Variants in RNLS observed in about 807,000 individuals in gnomAD.
The protein encoded by RNLS is renalase.
In RNLS, 39 loss-of-function variants were observed where a neutral mutation model predicts 39.8. The observed-to-expected ratio is 0.98, with a 90% CI of 0.76 to 1.28. The LOEUF (loss-of-function observed/expected upper bound fraction) is 1.28. Ranked by LOEUF, RNLS falls within the 50% of genes most tolerant of loss-of-function variation. RNLS has a pLI of 0.00. For synonymous variants in RNLS, 147 were observed against 150.7 expected (o/e 0.98, Z 0.18); for missense variants, 410 against 413.3 (o/e 0.99, Z 0.07).
At chr10:88,218,580 C>T in the RNLS span, among the ~76,000 whole-genome samples, 3 of 152,166 alleles carry the variant, frequency 2.0e-5, no homozygotes, top group Non-Finnish European at 4.4e-5. Flanking sequence ...TTTGAAAGGG[C>T]CAATGGACAC....
At chr10:88,470,894 G>A (rs1012855662) in intron 4 of RNLS, among the ~76,000 whole-genome samples, 2 of 152,170 alleles carry the variant, frequency 1.3e-5, no homozygotes, top group Admixed American at 1.3e-4. Flanking sequence ...GATTACAGGT[G>A]TGAGCCACCA....
At chr10:88,396,467 T>A (rs1289562355) in intron 4 of RNLS, among the ~76,000 whole-genome samples, 1 of 151,050 alleles carries the variant, frequency 6.6e-6, no homozygotes, top group Admixed American at 6.6e-5. Flanking sequence ...AAAATAACTT[T>A]AAAAAATATA....
intron 4 of RNLS, among the ~76,000 whole-genome samples, chr10:88,394,457 T>C (rs1237647653): frequency 6.6e-6 from 1 of 152,192 alleles, no homozygotes; most frequent in Non-Finnish European, 1.5e-5. Flanking sequence ...TCATCATCAC[T>C]GGCCATCAGA....
intron 4 of RNLS, among the ~76,000 whole-genome samples, chr10:88,524,114 T>G (rs1317175006): frequency 6.6e-6 from 1 of 151,680 alleles, no homozygotes; most frequent in Non-Finnish European, 1.5e-5. Context: ...TCCTTAAAAC[T>G]GATTATATTA....
intron 6 of RNLS, among the ~76,000 whole-genome samples, chr10:88,310,039 C>T (rs1845237361): frequency 6.6e-6 from 1 of 151,950 alleles, no homozygotes; most frequent in Non-Finnish European, 1.5e-5. Flanking sequence ...ATGATGAAAC[C>T]TCACCTCTAC....
chr10:88,206,078 G>A, the RNLS span, among the ~76,000 whole-genome samples: 7 of 152,206 alleles, frequency 4.6e-5, no homozygotes, highest in East Asian at 1.4e-3. Flanking sequence ...GCTTCTTTGG[G>A]GTTTCTGAAG....
In RNLS at chr10:88,349,989, C is replaced by A. The variant is rs538237766; in HGVS notation, c.700+12563G>T. 3.9e-5 allele frequency among the ~76,000 whole-genome samples: 6 copies of A among 152,102 alleles called. No individual in the cohort carries two copies. In the South Asian group the frequency reaches 1.2e-3, roughly 32 times the overall value. ...AAAATGTCATGATTACTAGTCACTGCTTATTATTTTAAGATGAGGATTACT... is the reference window on the plus strand; with the variant it reads ...AAAATGTCATGATTACTAGTCACTGATTATTATTTTAAGATGAGGATTACT... On this transcript the variant is annotated intron_variant, in intron 5 of 6. Coordinates refer to ENST00000331772, the MANE Select transcript of RNLS (RefSeq NM_001031709.3).
intron 6 of RNLS, among the ~76,000 whole-genome samples, chr10:88,307,269 A>T (rs1844991698): frequency 2.6e-5 from 4 of 152,106 alleles, no homozygotes. Flanking sequence ...AAAAGACAAG[A>T]ATGCTCTCTC....
At position 88,324,781 on chromosome 10, in the gene RNLS, A is replaced by C. The variant is rs544617557; in HGVS notation, c.701-10140T>G. Among the ~76,000 whole-genome samples the C allele has an allele frequency of 3.9e-5, 6 of 152,276 alleles. No homozygotes were observed. The South Asian group carries it at 1.2e-3, about 32-fold the overall frequency. ...TTTCATCTTCCTAAACTGAAACTCC[A>C]TATCCCTTAAACAATAAGTAACTAT... On this transcript the variant is annotated intron_variant, in intron 5 of 6. Coordinates refer to ENST00000331772, the MANE Select transcript of RNLS (RefSeq NM_001031709.3).
the RNLS span, among the ~76,000 whole-genome samples, chr10:88,225,575 G>A: frequency 2.0e-5 from 3 of 152,018 alleles, no homozygotes; most frequent in Admixed American, 1.3e-4. Flanking sequence ...TTAGTCAGAT[G>A]TGGTGGCAGG....
At chr10:88,461,901 T>A (rs1399812863) in intron 4 of RNLS, among the ~76,000 whole-genome samples, 1 of 152,092 alleles carries the variant, frequency 6.6e-6, no homozygotes, top group Non-Finnish European at 1.5e-5. Flanking sequence ...TACATCATCA[T>A]GAAAAAGACT....
chr10:88,532,746 C>A (rs539112536), intron 4 of RNLS, among the ~76,000 whole-genome samples: 1 of 151,964 alleles, frequency 6.6e-6, no homozygotes, highest in Admixed American at 6.6e-5. Flanking sequence ...CAATACTAAT[C>A]TTCTGAAAAG....
At chr10:88,474,987 C>T (rs998518476) in intron 4 of RNLS, among the ~76,000 whole-genome samples, 2 of 151,982 alleles carry the variant, frequency 1.3e-5, no homozygotes, top group East Asian at 1.9e-4. Context: ...CAGCTCCCCC[C>T]GGCAACAAGA....
At position 88,486,939 on chromosome 10, in the gene RNLS, T is replaced by C. The variant is rs563637622; in HGVS notation, c.526+85964A>G. On this transcript the variant is annotated intron_variant, in intron 4 of 6. Transcript: ENST00000331772. ...ATGTTTATGGCAGCACTATTCACAA[T>C]AGTAAAACATTTAACCTAAATGCTC... Among the ~76,000 whole-genome samples the C allele has an allele frequency of 1.6e-4, 18 of 113,588 alleles. No individual in the cohort carries two copies. In the East Asian group the frequency reaches 4.6e-3, roughly 29 times the overall value. 74.5% of individuals were successfully genotyped at this position (113,588 alleles called of 152,430 possible). A position where few individuals can be genotyped will look rare whatever the true frequency, so the allele number is the denominator to read the frequency against.
chr10:88,561,389 A>G (rs1210103018), intron 4 of RNLS, among the ~76,000 whole-genome samples: 1 of 152,210 alleles, frequency 6.6e-6, no homozygotes, highest in Admixed American at 6.6e-5. Context: ...ATCCAGAGAC[A>G]GACTCAAGTA....
chr10:88,317,581 C>T (rs766140196), intron 5 of RNLS, among the ~76,000 whole-genome samples: 8 of 152,126 alleles, frequency 5.3e-5, no homozygotes, highest in Non-Finnish European at 1.0e-4. Flanking sequence ...GTAAAATATA[C>T]ATAAAATTTA....
At chr10:88,296,137 A>G (rs1844083779) in intron 6 of RNLS, among the ~76,000 whole-genome samples, 1 of 152,150 alleles carries the variant, frequency 6.6e-6, no homozygotes, top group Non-Finnish European at 1.5e-5. Flanking sequence ...GTAAAAAACC[A>G]GCTCCTTTCT....
At chr10:88,547,450 G>A (rs912826758) in intron 4 of RNLS, among the ~76,000 whole-genome samples, 2 of 152,188 alleles carry the variant, frequency 1.3e-5, no homozygotes, top group African/African-American at 4.8e-5. Flanking sequence ...AACATGCTAA[G>A]AGAAATACAG....
At chr10:88,412,966 T>A (rs552306594) in intron 4 of RNLS, among the ~76,000 whole-genome samples, 2 of 152,312 alleles carry the variant, frequency 1.3e-5, no homozygotes, top group South Asian at 2.1e-4. Context: ...GACACAGATC[T>A]GTTGATGATG....
Sources: gnomAD v4.1 joint callset for allele counts (sites outside exome capture counted in the v4.1 genomes callset) on GRCh38, gnomAD v4.1.1 for gene constraint, MANE v1.5 for transcripts, NCBI Gene and HGNC (gene_info 2026-07-23, HGNC 2026-07-21) for gene names.